Variants in PPP3R1 observed in about 807,000 individuals in gnomAD.
The protein encoded by PPP3R1 is calcineurin subunit B type 1.
PPP3R1 carries 5 observed loss-of-function variants against 22.6 expected under a neutral mutation model. The ratio of observed to expected loss-of-function variants is 0.22; its 90% CI spans 0.12 to 0.46. PPP3R1 has a LOEUF of 0.46. Among genes scored for constraint, PPP3R1 ranks in the 20% least tolerant of loss-of-function variants. The pLI is 0.99. For missense variants in PPP3R1, 61 were observed against 203.2 expected (o/e 0.30, Z 4.25); for synonymous variants, 56 against 65.2 (o/e 0.86, Z 0.68).
chr2:68,211,536 C>A (rs1669487990), intron 2 of PPP3R1, among the ~76,000 whole-genome samples: 2 of 151,892 alleles, frequency 1.3e-5, no homozygotes, highest in African/African-American at 4.8e-5. Context: ...ATCGGGGTGG[C>A]TGTGACAATT....
chr2:68,247,116 CGCCT>C (rs1558646057), intron 1 of PPP3R1, among the ~76,000 whole-genome samples: 1 of 148,512 alleles, frequency 6.7e-6, no homozygotes. Context: ...CCACTGTGCC[CGCCT>C]AATTTTTGTA....
chr2:68,221,141 G>C (rs1669681299), intron 1 of PPP3R1, among the ~76,000 whole-genome samples: 1 of 152,134 alleles, frequency 6.6e-6, no homozygotes, highest in Non-Finnish European at 1.5e-5. Context: ...AGACCAGCCT[G>C]GTCAACATGG....
intron 2 of PPP3R1, 39 bp downstream of exon 2, chr2:68,217,053 T>C: frequency 7.0e-7 from 1 of 1,431,474 alleles, no homozygotes; most frequent in Non-Finnish European, 9.5e-7. Flanking sequence ...GAGAGATGAG[T>C]GAATAAAAGT....
At chr2:68,195,957 C>T (rs183600253) in intron 2 of PPP3R1, among the ~76,000 whole-genome samples, 67 of 151,406 alleles carry the variant, frequency 4.4e-4, no homozygotes, top group African/African-American at 1.6e-3. Flanking sequence ...CCCAACTATA[C>T]GTACTATTTC....
At position 68,179,009 on chromosome 2, in the gene PPP3R1, A is replaced by AAAAAAAAAAAAAAAAAAG. The variant is rs1553403013; in HGVS notation, c.*1953_*1954insCTTTTTTTTTTTTTTTTT. 20 of 122,488 alleles carry AAAAAAAAAAAAAAAAAAG rather than the reference A, an allele frequency of 1.6e-4. No individual in the cohort carries two copies. The highest frequency in any genetic ancestry group is 5.1e-4 in the African/African-American group (16 of 31,200). 7.6% of individuals were successfully genotyped at this position (122,488 alleles called of 1,614,324 possible). A position where few individuals can be genotyped will look rare whatever the true frequency, so the allele number is the denominator to read the frequency against. ...CACACACAAACTAAAAAAAAAAAAA[A>AAAAAAAAAAAAAAAAAAG]AAAAAAAGAAAAAGAAAAAACCCTC... On this transcript the variant is annotated 3_prime_UTR_variant, in exon 6 of 6. Coordinates refer to ENST00000234310, the MANE Select transcript of PPP3R1 (RefSeq NM_000945.4).
chr2:68,198,062 C>CAAAAAAAAAAAAAAAA lies in PPP3R1; in HGVS notation c.44-9388_44-9373dup, dbSNP rs199824687. On this transcript the variant is annotated intron_variant, in intron 2 of 5. Transcript: ENST00000234310. Reference sequence around the variant, plus strand: ...GCTCCCTTTACAACGGCACCTTTGGCAAAAAAAAAAAAAAAAAAAAAAAAA... The same window carrying CAAAAAAAAAAAAAAAA: ...GCTCCCTTTACAACGGCACCTTTGGCAAAAAAAAAAAAAAAAAAAAAAAAAAAAAAAAAAAAAAAAA... Among the ~76,000 whole-genome samples the CAAAAAAAAAAAAAAAA allele has an allele frequency of 1.9e-4, 8 of 42,002 alleles. 1 individual carries two copies. The highest frequency in any genetic ancestry group is 8.8e-4 in the African/African-American group (8 of 9,098). 27.6% of individuals were successfully genotyped at this position (42,002 alleles called of 152,430 possible). A position where few individuals can be genotyped will look rare whatever the true frequency, so the allele number is the denominator to read the frequency against.
chr2:68,183,520 T>C (rs1000833677), intron 5 of PPP3R1, among the ~76,000 whole-genome samples: 2 of 152,234 alleles, frequency 1.3e-5, no homozygotes, highest in Non-Finnish European at 2.9e-5. Context: ...TCTTGATTCA[T>C]TTTTGATTAT....
At chr2:68,195,903 A>G (rs1308410550) in intron 2 of PPP3R1, among the ~76,000 whole-genome samples, 9 of 149,738 alleles carry the variant, frequency 6.0e-5, no homozygotes, top group Non-Finnish European at 1.3e-4. Flanking sequence ...TTTTTTTTTA[A>G]GTACTTCCTT....
At position 68,202,792 on chromosome 2, in the gene PPP3R1, A is replaced by ATTTTTTT. The variant is rs71395958; in HGVS notation, c.44-14109_44-14103dup. On this transcript the variant is annotated intron_variant, in intron 2 of 5. Transcript: ENST00000234310. ...TAATATATACTAGAGAGTTCAGGGA[A>ATTTTTTT]TTTTTTTTTTTTTTTTTTTTTTTTT... Among the ~76,000 whole-genome samples, 184 of 81,208 alleles carry ATTTTTTT rather than the reference A, an allele frequency of 2.3e-3. 31 individuals are homozygous for ATTTTTTT. Among genetic ancestry groups the ATTTTTTT allele is most frequent in the African/African-American group, 0.01 (167 of 16,162 alleles). 53.3% of individuals were successfully genotyped at this position (81,208 alleles called of 152,430 possible).
intron 2 of PPP3R1, among the ~76,000 whole-genome samples, chr2:68,195,520 G>C (rs72894425): frequency 0.038 from 5,787 of 152,182 alleles, 330 homozygotes; most frequent in African/African-American, 0.13. Flanking sequence ...TGGGAGGAGA[G>C]GGGGTAGGGA....
chr2:68,223,121 C>A (rs775787715), intron 1 of PPP3R1, among the ~76,000 whole-genome samples: 3 of 152,090 alleles, frequency 2.0e-5, no homozygotes, highest in Non-Finnish European at 2.9e-5. Context: ...TATGGCCGGG[C>A]GCGGTGGCTC....
chr2:68,244,340 C>A (rs1040527579), intron 1 of PPP3R1, among the ~76,000 whole-genome samples: 2 of 152,150 alleles, frequency 1.3e-5, no homozygotes, highest in Non-Finnish European at 2.9e-5. Context: ...TTGTTAACTG[C>A]CTAACAATTC....
intron 1 of PPP3R1, among the ~76,000 whole-genome samples, chr2:68,234,800 G>A (rs755176197): frequency 4.6e-5 from 7 of 152,132 alleles, no homozygotes; most frequent in Non-Finnish European, 1.0e-4. Context: ...ACCAGAAAAT[G>A]ATATATGTAT....
intron 1 of PPP3R1, among the ~76,000 whole-genome samples, chr2:68,237,103 G>C (rs1670033429): frequency 6.6e-6 from 1 of 151,504 alleles, no homozygotes; most frequent in African/African-American, 2.4e-5. Context: ...GTCACTTTTA[G>C]TTAGGTATTG....
intron 2 of PPP3R1, 82 bp from the exon 3 acceptor site, chr2:68,188,772 A>G (rs1204004464): frequency 7.9e-7 from 1 of 1,272,312 alleles, no homozygotes; most frequent in Non-Finnish European, 1.1e-6. Context: ...AAGATTTTAA[A>G]AAAAATTTTA....
chr2:68,228,292 GTT>G (rs1669825134), intron 1 of PPP3R1, among the ~76,000 whole-genome samples: 2 of 151,814 alleles, frequency 1.3e-5, no homozygotes, highest in African/African-American at 4.8e-5. Context: ...ATTTGTTAAT[GTT>G]TTAAGGATTT....
chr2:68,198,303 A>ATATG (rs2103739312), intron 2 of PPP3R1, among the ~76,000 whole-genome samples: 1 of 144,950 alleles, frequency 6.9e-6, no homozygotes, highest in Admixed American at 7.0e-5. Flanking sequence ...ACATGTATAC[A>ATATG]TGTATACATA....
intron 2 of PPP3R1, among the ~76,000 whole-genome samples, chr2:68,209,315 C>T (rs1356324932): frequency 1.7e-5 from 2 of 116,980 alleles, no homozygotes; most frequent in African/African-American, 6.5e-5. Flanking sequence ...GCCGAGATCC[C>T]GCCACTGCAC....
intron 2 of PPP3R1, among the ~76,000 whole-genome samples, chr2:68,199,879 G>A (rs1258743514): frequency 6.6e-6 from 1 of 152,110 alleles, no homozygotes; most frequent in East Asian, 1.9e-4. Context: ...CTCAAATAAT[G>A]TTGGTTTATA....
Sources: allele counts gnomAD v4.1 joint callset (sites outside exome capture counted in the v4.1 genomes callset), GRCh38; gene constraint gnomAD v4.1.1; transcripts MANE v1.5; gene names NCBI Gene and HGNC (gene_info 2026-07-23, HGNC 2026-07-21).